IQSEC1: variants seen among roughly 807,000 people sequenced by gnomAD.
IQSEC1 encodes the protein IQ motif and Sec7 domain ArfGEF 1.
IQSEC1 carries 31 observed loss-of-function variants against 91.0 expected under a neutral mutation model. That is an observed-to-expected ratio of 0.34 (90% CI 0.26 to 0.46). IQSEC1 has a LOEUF of 0.46. Among genes scored for constraint, IQSEC1 ranks in the 20% least tolerant of loss-of-function variants. The pLI is 1.00. For synonymous variants in IQSEC1, 699 were observed against 662.6 expected (o/e 1.05, Z -0.84); for missense variants, 1,388 against 1,575.6 (o/e 0.88, Z 2.02).
intron 1 of IQSEC1, among the ~76,000 whole-genome samples, chr3:13,228,703 C>T (rs755874083): frequency 5.9e-5 from 9 of 152,218 alleles, no homozygotes; most frequent in Non-Finnish European, 1.0e-4. Context: ...TCCTCTCACC[C>T]TTGCCCTCTG....
intron 2 of IQSEC1, among the ~76,000 whole-genome samples, chr3:13,155,388 A>T (rs1707070913): frequency 6.6e-6 from 1 of 152,218 alleles, no homozygotes; most frequent in South Asian, 2.1e-4. Context: ...GATGATTCAA[A>T]TTCCTAGAAA....
intron 1 of IQSEC1, among the ~76,000 whole-genome samples, chr3:13,213,903 G>A (rs969065030): frequency 1.3e-5 from 2 of 152,124 alleles, no homozygotes; most frequent in African/African-American, 2.4e-5. Flanking sequence ...TCCTGGGCTC[G>A]TATCCACAGC....
chr3:13,161,116 C>G (rs357173), intron 2 of IQSEC1, among the ~76,000 whole-genome samples: 137,100 of 152,328 alleles, frequency 0.9, 61,945 homozygotes, highest in African/African-American at 0.97. Flanking sequence ...CTGAGTCACA[C>G]ACAGCAGGGG....
At chr3:13,124,130 T>C (rs1706472362) in intron 2 of IQSEC1, among the ~76,000 whole-genome samples, 1 of 152,130 alleles carries the variant, frequency 6.6e-6, no homozygotes. Flanking sequence ...TCCATCAGGG[T>C]ATACGGGTTC....
At chr3:12,903,062 C>T (rs1694552626) in intron 12 of IQSEC1, among the ~76,000 whole-genome samples, 1 of 152,020 alleles carries the variant, frequency 6.6e-6, no homozygotes, top group Non-Finnish European at 1.5e-5. Context: ...AAAAAAAATT[C>T]TTTTTTAAAC....
In IQSEC1 at chr3:12,900,741, C is replaced by G. The variant is rs994860104; in HGVS notation, c.*242G>C. On this transcript the variant is annotated 3_prime_UTR_variant, in exon 14 of 14. Transcript: ENST00000613206. The stretch of plus-strand genomic sequence containing the variant: ...GTTTCAAGGCTGATGGTGTCTGAGG[C>G]CCACCCATCCCTCAGACTGAGGTGA... 2 of 1,417,410 alleles carry G rather than the reference C, an allele frequency of 1.4e-6. No individual in the cohort carries two copies. Among genetic ancestry groups the G allele is most frequent in the African/African-American group, 2.9e-5 (2 of 69,232 alleles). The allele number at this position is 1,417,410 out of a possible 1,614,324, so 87.8% of individuals were successfully genotyped here. A position where few individuals can be genotyped will look rare whatever the true frequency, so the allele number is the denominator to read the frequency against.
At position 13,282,471 on chromosome 3, in the gene IQSEC1, C is replaced by T. The variant is rs1695813408; in HGVS notation, c.272+240G>A. Among the ~76,000 whole-genome samples the T allele has an allele frequency of 6.6e-6, 1 of 152,034 alleles. No homozygotes were observed. Among genetic ancestry groups the T allele is most frequent in the Non-Finnish European group, 1.5e-5 (1 of 67,952 alleles). ...AGGCCGGCGGGAGCGCTGAGCAGCT[C>T]CCTGGAGCCCTTTTCCAGGGAACCC... On this transcript the variant is annotated intron_variant, in intron 1 of 15. Transcript: ENST00000648114. This position sits in a 1 kb window ranked among gnomAD's most constrained non-coding sequence, Gnocchi z 6.4.
intron 1 of IQSEC1, among the ~76,000 whole-genome samples, chr3:12,951,359 G>A (rs1219412912): frequency 2.0e-5 from 3 of 152,080 alleles, no homozygotes; most frequent in Admixed American, 2.0e-4. Flanking sequence ...GGAGGCGGAG[G>A]TTGCAGTGAG....
rs889105400 is a variant in IQSEC1 at position 13,021,086 on chromosome 3, G to A, written c.23+51906C>T. 8.5e-5 allele frequency among the ~76,000 whole-genome samples: 13 copies of A among 152,254 alleles called. No individual in the cohort carries two copies. The East Asian group carries it at 9.6e-4, about 11-fold the overall frequency. On this transcript the variant is annotated intron_variant, in intron 1 of 13. Coordinates refer to ENST00000613206, the MANE Select transcript of IQSEC1 (RefSeq NM_001134382.3). ...TAAATAAAATAATATGCCCTTAGGC[G>A]GCATCCAAGTACAAACACATCTTCC...
intron 1 of IQSEC1, among the ~76,000 whole-genome samples, chr3:13,059,976 C>T (rs1053391527): frequency 2.0e-5 from 3 of 152,228 alleles, no homozygotes; most frequent in African/African-American, 7.2e-5. Context: ...GTGACGTGCT[C>T]AGCACTGGCC....
upstream of IQSEC1, among the ~76,000 whole-genome samples, chr3:13,074,786 C>T (rs984057531): frequency 6.6e-6 from 1 of 151,804 alleles, no homozygotes; most frequent in African/African-American, 2.4e-5. Context: ...TCTTTCCATT[C>T]TCTCCAGATT....
intron 12 of IQSEC1, among the ~76,000 whole-genome samples, chr3:12,905,075 A>G (rs1049431090): frequency 1.3e-5 from 2 of 152,224 alleles, no homozygotes; most frequent in African/African-American, 2.4e-5. Flanking sequence ...ACCCACAACC[A>G]TAACTGCCCA....
At chr3:13,090,150 G>A (rs56029328) in intron 2 of IQSEC1, among the ~76,000 whole-genome samples, 47,892 of 151,252 alleles carry the variant, frequency 0.32, 7,971 homozygotes, top group Middle Eastern at 0.55. Context: ...CCTGGGAGGC[G>A]GAGCTTGCAG....
At chr3:13,260,448 C>T (rs1158584928) in intron 1 of IQSEC1, among the ~76,000 whole-genome samples, 1 of 152,220 alleles carries the variant, frequency 6.6e-6, no homozygotes, top group Admixed American at 6.5e-5. Flanking sequence ...TCACAATACT[C>T]TCATTTCTGT....
chr3:13,127,273 G>A (rs2124906905), intron 2 of IQSEC1, among the ~76,000 whole-genome samples: 1 of 152,196 alleles, frequency 6.6e-6, no homozygotes, highest in East Asian at 1.9e-4. Flanking sequence ...AATTAGCCAG[G>A]TGTGGTGGCA....
At chr3:13,046,370 G>A (rs1016163919) in intron 1 of IQSEC1, among the ~76,000 whole-genome samples, 3 of 152,218 alleles carry the variant, frequency 2.0e-5, no homozygotes, top group Non-Finnish European at 2.9e-5. Flanking sequence ...GAGCGCACGC[G>A]GCGGGGCTGC....
At chr3:13,141,740 A>G (rs1269475905) in intron 2 of IQSEC1, among the ~76,000 whole-genome samples, 4 of 152,210 alleles carry the variant, frequency 2.6e-5, no homozygotes, top group African/African-American at 9.7e-5. Context: ...CTTCCTGGGA[A>G]ATGCTGCCAA....
intron 1 of IQSEC1, among the ~76,000 whole-genome samples, chr3:13,064,849 G>C (rs1705182291): frequency 6.6e-6 from 1 of 152,234 alleles, no homozygotes. Flanking sequence ...GGCTGGCCCT[G>C]CTCCCACATG....
At chr3:13,101,745 G>C (rs550114341) in intron 2 of IQSEC1, among the ~76,000 whole-genome samples, 3 of 152,312 alleles carry the variant, frequency 2.0e-5, no homozygotes, top group African/African-American at 7.2e-5. Context: ...CAGCTGGATG[G>C]GTAGCAGTGG....
Sources: gnomAD v4.1 joint callset for allele counts (sites outside exome capture counted in the v4.1 genomes callset) on GRCh38, gnomAD v4.1.1 for gene constraint, Gnocchi (gnomAD v3.1) non-coding constraint, MANE v1.5 for transcripts, NCBI Gene and HGNC (gene_info 2026-07-23, HGNC 2026-07-21) for gene names.